Variants in P2RX7 observed in about 807,000 individuals in gnomAD.
P2RX7 encodes the protein P2X purinoceptor 7.
P2RX7 carries 62 observed loss-of-function variants against 71.6 expected under a neutral mutation model. The ratio of observed to expected loss-of-function variants is 0.87; its 90% confidence interval spans 0.71 to 1.07. P2RX7 has a LOEUF of 1.07. Among genes scored for constraint, P2RX7 ranks in the 50% least tolerant of loss-of-function variants. The pLI, the probability that P2RX7 is intolerant of heterozygous loss-of-function variation, is 0.00. For missense variants in P2RX7, 686 were observed against 748.5 expected (o/e 0.92, Z 0.97); for synonymous variants, 299 against 283.3 (o/e 1.06, Z -0.56).
At chr12:121,137,814 C>G (rs1874007317) in intron 1 of P2RX7, among the ~76,000 whole-genome samples, 1 of 152,218 alleles carries the variant, frequency 6.6e-6, no homozygotes, top group Admixed American at 6.5e-5. Flanking sequence ...GAGCAATGTT[C>G]AGGATACAGC....
intron 12 of P2RX7, among the ~76,000 whole-genome samples, chr12:121,182,017 T>C (rs1387138762): frequency 6.8e-6 from 1 of 146,482 alleles, no homozygotes; most frequent in African/African-American, 2.6e-5. Context: ...TTAGCTGAGA[T>C]CACACCTCTG....
chr12:121,173,520 G>A (rs796155413), intron 8 of P2RX7, among the ~76,000 whole-genome samples: 48 of 152,238 alleles, frequency 3.2e-4, no homozygotes, highest in African/African-American at 1.2e-3. Flanking sequence ...CCCAAGAGAT[G>A]GGGCCACACC....
chr12:121,162,977 G>GA (rs1460739652), intron 5 of P2RX7, among the ~76,000 whole-genome samples: 11 of 135,896 alleles, frequency 8.1e-5, no homozygotes, highest in Middle Eastern at 7.4e-3. Context: ...GGGTAAAAGA[G>GA]GGGGGGAAGG....
At position 121,176,618 on chromosome 12, in the gene P2RX7, G is replaced by A. The variant is rs556781544; in HGVS notation, c.973-529G>A. ...ATGCAAAAAATTAGCTGGGCGTGGC[G>A]GTGGGTACTTGTAATCCCAGCTACT... On this transcript the variant is annotated intron_variant, in intron 9 of 12. Coordinates refer to ENST00000328963, the MANE Select transcript of P2RX7 (RefSeq NM_002562.6). 1.2e-4 allele frequency among the ~76,000 whole-genome samples: 18 copies of A among 152,078 alleles called. No homozygotes were observed. The East Asian group carries it at 1.4e-3, about 11-fold the overall frequency.
Position 121,162,490 on chromosome 12 carries a change from G to GC in P2RX7, c.507dup (p.Ile170HisfsTer72). ...AAGACCTGTGAAGTCTCTGCCTGGT[G>GC]CCCCATCGAGGCAGTGGAAGAGGCC... On this transcript the variant is annotated frameshift_variant, in exon 5 of 13. Coordinates refer to ENST00000328963, the MANE Select transcript of P2RX7 (RefSeq NM_002562.6). LOFTEE classifies it high-confidence loss of function. The GC allele has an allele frequency of 6.2e-7, 1 of 1,613,666 alleles. No homozygotes were observed. Among genetic ancestry groups the GC allele is most frequent in the Non-Finnish European group, 8.5e-7 (1 of 1,180,000 alleles).
Position 121,160,847 on chromosome 12 carries a change from A to T in P2RX7, c.364-55A>T, listed in dbSNP as rs1369505586. On this transcript the variant is annotated intron_variant, in intron 3 of 12. Transcript: ENST00000328963. ...CTGGTGGATATCGAATCACTTCTCC[A>T]CGTCTTAGTAACACACGTCACTTAC... The T allele has an allele frequency of 3.8e-6, 5 of 1,312,852 alleles. No individual in the cohort carries two copies. In the East Asian group the frequency reaches 1.1e-4, roughly 30 times the overall value. 81.3% of individuals were successfully genotyped at this position (1,312,852 alleles called of 1,614,324 possible).
chr12:121,165,090 T>G (rs965195346), intron 5 of P2RX7, among the ~76,000 whole-genome samples: 5 of 152,068 alleles, frequency 3.3e-5, no homozygotes, highest in Non-Finnish European at 7.4e-5. Context: ...CTCTGGCACA[T>G]GGGGATTACA....
intron 1 of P2RX7, among the ~76,000 whole-genome samples, chr12:121,134,354 C>T (rs569323786): frequency 7.9e-5 from 12 of 152,234 alleles, no homozygotes; most frequent in East Asian, 1.9e-4. Flanking sequence ...TCCTCACCAA[C>T]GCTTGTTATC....
At chr12:121,136,023 A>AAAAAAAAATATATATATATATATAT in intron 1 of P2RX7, among the ~76,000 whole-genome samples, 6 of 15,258 alleles carry the variant, frequency 3.9e-4, no homozygotes, top group African/African-American at 6.1e-4. Flanking sequence ...AAAAAAAAAA[A>AAAAAAAAATATATATATATATATAT]ATATATATAT....
rs145764958 is a variant in P2RX7 at position 121,143,424 on chromosome 12, C to T, written c.125+10329C>T. Among the ~76,000 whole-genome samples, 982 of 151,488 alleles carry T rather than the reference C, an allele frequency of 6.5e-3. 12 individuals are homozygous for T. Among genetic ancestry groups the T allele is most frequent in the African/African-American group, 0.022 (911 of 41,298 alleles). Reference sequence around the variant, plus strand: ...AACAAATTAACCAGGCATGGTGCTGCGTGCCTGTAGTCCCAGCTACTGGGA... The same window carrying T: ...AACAAATTAACCAGGCATGGTGCTGTGTGCCTGTAGTCCCAGCTACTGGGA... On this transcript the variant is annotated intron_variant, in intron 1 of 12. Coordinates refer to ENST00000328963, the MANE Select transcript of P2RX7 (RefSeq NM_002562.6).
chr12:121,141,221 T>G (rs17434647), intron 1 of P2RX7, among the ~76,000 whole-genome samples: 12,724 of 152,294 alleles, frequency 0.084, 727 homozygotes, highest in Middle Eastern at 0.14. Flanking sequence ...TGTCAAAAGA[T>G]AAGCATGATT....
intron 1 of P2RX7, among the ~76,000 whole-genome samples, chr12:121,142,089 C>T (rs1410773569): frequency 6.6e-6 from 1 of 152,186 alleles, no homozygotes; most frequent in Non-Finnish European, 1.5e-5. Flanking sequence ...TAGAGGGCCC[C>T]ACTCTGTCCC....
chr12:121,166,769 C>T (rs1196483971), intron 7 of P2RX7, among the ~76,000 whole-genome samples: 7 of 151,962 alleles, frequency 4.6e-5, no homozygotes, highest in East Asian at 3.9e-4. Flanking sequence ...AGGCTGGGCA[C>T]GGTGGCTCAT....
At chr12:121,173,456 G>C (rs747205666) in intron 8 of P2RX7, among the ~76,000 whole-genome samples, 5 of 152,162 alleles carry the variant, frequency 3.3e-5, no homozygotes, top group Non-Finnish European at 7.3e-5. Context: ...AAAGTGCTGG[G>C]ATTACAGGCG....
chr12:121,160,907 C>T lies in P2RX7; in HGVS notation c.369C>T (p.Pro123=). 1 of 1,613,148 alleles carries T rather than the reference C, an allele frequency of 6.2e-7. No homozygotes were observed. Among genetic ancestry groups the T allele is most frequent in the Non-Finnish European group, 8.5e-7 (1 of 1,179,058 alleles). ...TGTCATCCTTCTATCTGCAGTATCC[C>T]ACCCGCAGGACGCTCTGTTCCTCTG... The part of the protein sequence containing the change: ...GQEQRLCPEY[P]TRRTLCSSDR... The change falls in exon 4 of 13, where the codon CCC becomes CCT. Residue 123 remains proline, a synonymous_variant. Transcript: ENST00000328963.
rs550983892 is a variant in P2RX7, at chr12:121,169,209, C to T, written c.881+1585C>T. ...TCTCAAACTCCTGGCTCAAGCAATC[C>T]GCCTGCCTTGGCCTCCTAAAGCGTT... On this transcript the variant is annotated intron_variant, in intron 8 of 12. Coordinates refer to ENST00000328963, the MANE Select transcript of P2RX7 (RefSeq NM_002562.6). Among the ~76,000 whole-genome samples, 17 of 152,260 alleles carry T rather than the reference C, an allele frequency of 1.1e-4. No homozygotes were observed. The East Asian group carries it at 2.9e-3, about 26-fold the overall frequency.
chr12:121,184,271 C>T (rs777901416), intron 12 of P2RX7, 34 bp from the exon 13 acceptor site: 3 of 1,541,082 alleles, frequency 1.9e-6, no homozygotes, highest in East Asian at 4.5e-5. Context: ...GAGGGCTTGT[C>T]ATGGCTAATA....
At position 121,164,198 on chromosome 12, in the gene P2RX7, G is replaced by C. The variant is rs145947155; in HGVS notation, c.534-1159G>C. Among the ~76,000 whole-genome samples the C allele has an allele frequency of 2.5e-4, 38 of 152,252 alleles. No homozygotes were observed. In the South Asian group the frequency reaches 7.7e-3, roughly 31 times the overall value. ...GCCTGCCTCTGGGCTGGATTTTGAC[G>C]TGACCTGGGCAAGCAACTCCCTGAA... On this transcript the variant is annotated intron_variant, in intron 5 of 12. Transcript: ENST00000328963.
At position 121,184,870 on chromosome 12, in the gene P2RX7, A is replaced by C. The variant is rs200223052; in HGVS notation, c.*68A>C. 95 of 1,303,672 alleles carry C rather than the reference A, an allele frequency of 7.3e-5. No individual in the cohort carries two copies. The highest frequency in any genetic ancestry group is 9.8e-5 in the Non-Finnish European group (94 of 958,944). The allele number at this position is 1,303,672 out of a possible 1,614,324, so 80.8% of individuals were successfully genotyped here. On this transcript the variant is annotated 3_prime_UTR_variant, in exon 13 of 13. Transcript: ENST00000328963. ...GAGGCCGAGGCAGGCAGATCACCTGAGGTCGGGAGTTGGAGACCCGCCTGG... is the reference window on the plus strand; with the variant it reads ...GAGGCCGAGGCAGGCAGATCACCTGCGGTCGGGAGTTGGAGACCCGCCTGG...
Sources: allele counts gnomAD v4.1 joint callset (sites outside exome capture counted in the v4.1 genomes callset), GRCh38; gene constraint gnomAD v4.1.1; transcripts MANE v1.5; gene names NCBI Gene and HGNC (gene_info 2026-07-23, HGNC 2026-07-21).